Variants in IZUMO1 observed in about 807,000 individuals in gnomAD.
The protein encoded by IZUMO1 is izumo sperm-oocyte fusion 1.
IZUMO1 carries 44 observed loss-of-function variants against 40.7 expected under a neutral mutation model. The ratio of observed to expected loss-of-function variants is 1.08; its 90% CI spans 0.85 to 1.39. The LOEUF (loss-of-function observed/expected upper bound fraction) is 1.39. Among genes scored for constraint, IZUMO1 ranks in the 40% most tolerant of loss-of-function variants. The pLI is 0.00. For synonymous variants in IZUMO1, 149 were observed against 170.9 expected (o/e 0.87, Z 1.00); for missense variants, 368 against 436.9 (o/e 0.84, Z 1.41).
rs757811459 is a variant in IZUMO1, at chr19:48,741,698, A to C, written c.754+91T>G. ...CCGAAACCACACCCAACAGGAAGTC[A>C]CGCCCCCATCGCCAAGGCCACGCCC... is the stretch of plus-strand genomic sequence containing the variant. On this transcript the variant is annotated intron_variant, in intron 8 of 9. Coordinates refer to ENST00000332955, the MANE Select transcript of IZUMO1 (RefSeq NM_182575.3). This position sits in a 1 kb window ranked among gnomAD's most constrained non-coding sequence, Gnocchi z 4.4. The C allele has an allele frequency of 1.1e-4, 155 of 1,433,342 alleles. No individual in the cohort carries two copies. Among genetic ancestry groups the C allele is most frequent in the Non-Finnish European group, 1.3e-4 (142 of 1,075,386 alleles). The allele number at this position is 1,433,342 out of a possible 1,614,324, so 88.8% of individuals were successfully genotyped here. A position where few individuals can be genotyped will look rare whatever the true frequency, so the allele number is the denominator to read the frequency against.
chr19:48,742,068 G>C, intron 7 of IZUMO1, 126 bp from the exon 8 acceptor site: 1 of 1,518,574 alleles, frequency 6.6e-7, no homozygotes, highest in Non-Finnish European at 8.9e-7. Context: ...GTCAGGGCAC[G>C]GGGTCCCCAG....
chr19:48,743,362 C>A (rs755080595), intron 6 of IZUMO1, 83 bp downstream of exon 6: 1 of 1,311,820 alleles, frequency 7.6e-7, no homozygotes, highest in Non-Finnish European at 1.1e-6. Flanking sequence ...CCCCACACCC[C>A]CATCTAGGCT....
rs1388255933 is a variant in IZUMO1, at chr19:48,741,077, T to C, written c.933-49A>G. ...ATCATGGAACCGGTTTGGGTACTAATTGTGTGGGGGACACCCCTCCCAACC... is the reference window on the plus strand; with the variant it reads ...ATCATGGAACCGGTTTGGGTACTAACTGTGTGGGGGACACCCCTCCCAACC... On this transcript the variant is annotated intron_variant, in intron 9 of 9. Coordinates refer to ENST00000332955, the MANE Select transcript of IZUMO1 (RefSeq NM_182575.3). The surrounding 1 kb of genome is among the most constrained non-coding windows in gnomAD (Gnocchi z 4.4). 6.2e-7 allele frequency: 1 copy of C among 1,609,846 alleles called. No individual in the cohort carries two copies. Among genetic ancestry groups the C allele is most frequent in the Non-Finnish European group, 8.5e-7 (1 of 1,177,886 alleles).
chr19:48,741,109 T>G lies in IZUMO1; in HGVS notation c.933-81A>C, dbSNP rs2033672815. The stretch of plus-strand genomic sequence containing the variant: ...GGGGACACCCCTCCCAACCTCCCCC[T>G]TTGTGACCTTATTCTAGCAATTACC... On this transcript the variant is annotated intron_variant, in intron 9 of 9. Coordinates refer to ENST00000332955, the MANE Select transcript of IZUMO1 (RefSeq NM_182575.3). The surrounding 1 kb of genome is among the most constrained non-coding windows in gnomAD (Gnocchi z 4.4). The G allele has an allele frequency of 2.5e-6, 4 of 1,582,742 alleles. No individual in the cohort carries two copies. The highest frequency in any genetic ancestry group is 3.5e-6 in the Non-Finnish European group (4 of 1,158,994).
In IZUMO1 at chr19:48,741,762, C is replaced by A; in HGVS notation, c.754+27G>T. 1 of 1,533,076 alleles carries A rather than the reference C, an allele frequency of 6.5e-7. No individual in the cohort carries two copies. 95.0% of individuals were successfully genotyped at this position (1,533,076 alleles called of 1,614,324 possible). A position where few individuals can be genotyped will look rare whatever the true frequency, so the allele number is the denominator to read the frequency against. ...CAGCTTTCCTGGGCCCTGAATCCTA[C>A]ACTTCTCTCAGCCCCACAGCACTGA... On this transcript the variant is annotated intron_variant, in intron 8 of 9. Transcript: ENST00000332955. This position sits in a 1 kb window ranked among gnomAD's most constrained non-coding sequence, Gnocchi z 4.4.
intron 6 of IZUMO1, among the ~76,000 whole-genome samples, chr19:48,742,725 CTTTTT>C (rs34894807): frequency 7.5e-5 from 7 of 93,510 alleles, no homozygotes; most frequent in African/African-American, 8.7e-5. Context: ...TTCTCTCTCT[CTTTTT>C]TTTTTTTTTT....
chr19:48,743,436 T>G lies in IZUMO1; in HGVS notation c.499+9A>C, dbSNP rs762926678. 9.3e-6 allele frequency: 15 copies of G among 1,613,986 alleles called. No individual in the cohort carries two copies. The highest frequency in any genetic ancestry group is 1.3e-5 in the Non-Finnish European group (15 of 1,179,904). On this transcript the variant is annotated intron_variant, in intron 6 of 9. Coordinates refer to ENST00000332955, the MANE Select transcript of IZUMO1 (RefSeq NM_182575.3). The stretch of plus-strand genomic sequence containing the variant: ...CACCAATTCCTCCTGCTGGGTCCAG[T>G]TCTCTCACCCCCGCAATCGTAGGAC...
intron 6 of IZUMO1, 41 bp downstream of exon 6, chr19:48,743,404 C>T: frequency 6.2e-7 from 1 of 1,607,654 alleles, no homozygotes; most frequent in East Asian, 2.2e-5. Flanking sequence ...TCGCCCCACC[C>T]CACCTGCACC....
Position 48,746,720 on chromosome 19 carries a change from C to T in IZUMO1, c.-359G>A, listed in dbSNP as rs923177445. On this transcript the variant is annotated 5_prime_UTR_variant, in exon 1 of 10. Transcript: ENST00000332955. ...TTTAAAGAGGAAGCCGGGGTCATGA[C>T]CACCTACGCTAATTTTCCCAGGGGT... The T allele has an allele frequency of 1.0e-6, 1 of 985,448 alleles. No individual in the cohort carries two copies. The highest frequency in any genetic ancestry group is 1.2e-6 in the Non-Finnish European group (1 of 829,936). The allele number at this position is 985,448 out of a possible 1,614,324, so 61.0% of individuals were successfully genotyped here. A position where few individuals can be genotyped will look rare whatever the true frequency, so the allele number is the denominator to read the frequency against.
chr19:48,745,959 C>T lies in IZUMO1; in HGVS notation c.-73-27G>A, dbSNP rs993239697. The T allele has an allele frequency of 3.2e-6, 5 of 1,538,620 alleles. No homozygotes were observed. The Admixed American group carries it at 6.1e-5, about 19-fold the overall frequency. On this transcript the variant is annotated intron_variant, in intron 1 of 9. Coordinates refer to ENST00000332955, the MANE Select transcript of IZUMO1 (RefSeq NM_182575.3). ...TAAACGGAGAAAAGCCAAAATCCAT[C>T]TTAAGAAATCCCACTGGGCCGCCTA... is the stretch of plus-strand genomic sequence containing the variant.
Position 48,741,731 on chromosome 19 carries a change from G to C in IZUMO1, c.754+58C>G. 6.7e-7 allele frequency: 1 copy of C among 1,501,114 alleles called. No individual in the cohort carries two copies. The highest frequency in any genetic ancestry group is 1.4e-5 in the South Asian group (1 of 73,750). The allele number at this position is 1,501,114 out of a possible 1,614,324, so 93.0% of individuals were successfully genotyped here. A position where few individuals can be genotyped will look rare whatever the true frequency, so the allele number is the denominator to read the frequency against. On this transcript the variant is annotated intron_variant, in intron 8 of 9. Transcript: ENST00000332955. The surrounding 1 kb of genome is among the most constrained non-coding windows in gnomAD (Gnocchi z 4.4). The stretch of plus-strand genomic sequence containing the variant: ...ATCGCCAAGGCCACGCCCCCGCCGC[G>C]GACCCCAGCTTTCCTGGGCCCTGAA...
At chr19:48,742,639 C>T (rs115420618) in intron 6 of IZUMO1, among the ~76,000 whole-genome samples, 1,761 of 151,766 alleles carry the variant, frequency 0.012, 46 homozygotes, top group African/African-American at 0.041. Context: ...TGAGGCACTG[C>T]GCCGGGCCTC....
rs767034236 is a variant in IZUMO1 at position 48,741,314 on chromosome 19, C to T, written c.919G>A (p.Gly307Ser). 12 of 1,600,726 alleles carry T rather than the reference C, an allele frequency of 7.5e-6. No individual in the cohort carries two copies. Among genetic ancestry groups the T allele is most frequent in the South Asian group, 2.2e-5 (2 of 90,792 alleles). The change falls in exon 9 of 10, where the codon GGC (glycine) becomes AGC (serine). Residue 307 changes from glycine (G) to serine (S), a missense_variant. Gly to Ser is a moderately conservative substitution (Grantham distance 56). Coordinates refer to ENST00000332955, the MANE Select transcript of IZUMO1 (RefSeq NM_182575.3). The surrounding 1 kb of genome is among the most constrained non-coding windows in gnomAD (Gnocchi z 4.4). The stretch of plus-strand genomic sequence containing the variant: ...TGGGTTGCTTACGCAAAGGTAAGGC[C>T]GGTTATCAGTGCTAGGGAGCCGCAG... Reference protein sequence around the residue: ...LICGSLALITGLTFAIFRRRK... With the variant: ...LICGSLALITSLTFAIFRRRK...
Position 48,741,429 on chromosome 19 carries a change from G to T in IZUMO1, c.804C>A (p.Thr268=). The change falls in exon 9 of 10, where the codon ACC becomes ACA. Residue 268 remains threonine (T), a synonymous_variant. Transcript: ENST00000332955. This position sits in a 1 kb window ranked among gnomAD's most constrained non-coding sequence, Gnocchi z 4.4. The part of the protein sequence containing the change: ...KEEKPSPNIV[T]PGEATTESSI... The stretch of plus-strand genomic sequence containing the variant: ...ACGACTCCGTGGTCGCCTCCCCCGG[G>T]GTTACGATATTTGGAGAAGGTTTTT... The T allele has an allele frequency of 6.2e-7, 1 of 1,613,198 alleles. No individual in the cohort carries two copies. Among genetic ancestry groups the T allele is most frequent in the Non-Finnish European group, 8.5e-7 (1 of 1,179,398 alleles).
At position 48,744,455 on chromosome 19, in the gene IZUMO1, T is replaced by G; in HGVS notation, c.395A>C (p.Glu132Ala). The G allele has an allele frequency of 3.1e-6, 5 of 1,611,374 alleles. No homozygotes were observed. Among genetic ancestry groups the G allele is most frequent in the Non-Finnish European group, 4.2e-6 (5 of 1,177,502 alleles). The change falls in exon 4 of 10, where the codon GAG (glutamate) becomes GCG (alanine). Residue 132 changes from glutamate to alanine, a missense_variant and splice_region_variant. Coordinates refer to ENST00000332955, the MANE Select transcript of IZUMO1 (RefSeq NM_182575.3). ...CACCGACTCCCATCTTCTCTCACCC[T>G]CTTTTTGGAATCGAGCAACATAGGT... ...FATYVARFQKEAYCPNKCGVM... is the reference protein window; with the variant it reads ...FATYVARFQKAAYCPNKCGVM...
At position 48,746,758 on chromosome 19, in the gene IZUMO1, T is replaced by A; in HGVS notation, c.-397A>T. ...TTTTCCCAGGGGTAAAATCAAGGATTGTGTTGGGGACGAGGGTAAGGTTGG... is the reference window on the plus strand; with the variant it reads ...TTTTCCCAGGGGTAAAATCAAGGATAGTGTTGGGGACGAGGGTAAGGTTGG... On this transcript the variant is annotated 5_prime_UTR_variant, in exon 1 of 10. Transcript: ENST00000332955. The A allele has an allele frequency of 2.0e-6, 2 of 985,330 alleles. No homozygotes were observed. Among genetic ancestry groups the A allele is most frequent in the South Asian group, 9.4e-5 (2 of 21,266 alleles). The allele number at this position is 985,330 out of a possible 1,614,324, so 61.0% of individuals were successfully genotyped here.
Position 48,741,255 on chromosome 19 carries a change from G to T in IZUMO1, c.932+46C>A. ...TCTGTGTTGGGTTCCTGGAAGCCCC[G>T]CCCCTTACTCCAAGCCAAGCCTGTC... On this transcript the variant is annotated intron_variant, in intron 9 of 9. Transcript: ENST00000332955. The surrounding 1 kb of genome is among the most constrained non-coding windows in gnomAD (Gnocchi z 4.4). 1 of 1,524,456 alleles carries T rather than the reference G, an allele frequency of 6.6e-7. No individual in the cohort carries two copies. Among genetic ancestry groups the T allele is most frequent in the South Asian group, 1.2e-5 (1 of 83,960 alleles). The allele number at this position is 1,524,456 out of a possible 1,614,324, so 94.4% of individuals were successfully genotyped here.
chr19:48,746,247 C>A, intron 1 of IZUMO1, 188 bp downstream of exon 1: 1 of 1,066,056 alleles, frequency 9.4e-7, no homozygotes, highest in Non-Finnish European at 1.1e-6. Context: ...TGGAATTTTC[C>A]AAGTCCCCAG....
At position 48,746,842 on chromosome 19, in the gene IZUMO1, A is replaced by C. The variant is rs2033898518; in HGVS notation, c.-481T>G. ...GAGTCACGGACGATCCCCTCTCCAC[A>C]AGGAACTCCTGAAACCACCCCCTCC... On this transcript the variant is annotated 5_prime_UTR_variant, in exon 1 of 10. Transcript: ENST00000332955. The C allele has an allele frequency of 2.0e-6, 2 of 985,142 alleles. No individual in the cohort carries two copies. Among genetic ancestry groups the C allele is most frequent in the Middle Eastern group, 5.2e-4 (1 of 1,936 alleles). The allele number at this position is 985,142 out of a possible 1,614,324, so 61.0% of individuals were successfully genotyped here.
Sources: gnomAD v4.1 joint callset for allele counts (sites outside exome capture counted in the v4.1 genomes callset) on GRCh38, gnomAD v4.1.1 for gene constraint, Gnocchi (gnomAD v3.1) non-coding constraint, MANE v1.5 for transcripts, NCBI Gene and HGNC (gene_info 2026-07-23, HGNC 2026-07-21) for gene names.